Variants in GALNT17 observed in about 807,000 individuals in gnomAD.
GALNT17 encodes UDP-GalNAc:polypeptide N-acetylgalactosaminyltransferase-like 3.
GALNT17 carries 29 observed loss-of-function variants against 63.7 expected under a neutral mutation model. That is an observed-to-expected ratio of 0.46 (90% CI 0.34 to 0.62). GALNT17 has a LOEUF of 0.62. Ranked by LOEUF, GALNT17 falls within the 20% of genes least tolerant of loss-of-function variation. The pLI is 0.01. For missense variants in GALNT17, 603 were observed against 799.6 expected (o/e 0.75, Z 2.97); for synonymous variants, 305 against 318.3 (o/e 0.96, Z 0.45).
intron 2 of GALNT17, among the ~76,000 whole-genome samples, chr7:71,359,248 C>G (rs1792351809): frequency 6.6e-6 from 1 of 152,196 alleles, no homozygotes; most frequent in Non-Finnish European, 1.5e-5. Context: ...ATGACACCAG[C>G]ATTTGCTCAG....
At chr7:71,226,340 T>C (rs1583777546) in intron 1 of GALNT17, among the ~76,000 whole-genome samples, 1 of 152,018 alleles carries the variant, frequency 6.6e-6, no homozygotes, top group South Asian at 2.1e-4. Context: ...AACCCCGGGG[T>C]GGAGACAGGG....
intron 2 of GALNT17, among the ~76,000 whole-genome samples, chr7:71,350,070 A>G (rs529799225): frequency 1.3e-5 from 2 of 152,330 alleles, no homozygotes; most frequent in Admixed American, 1.3e-4. Context: ...GAGTCTGGTC[A>G]GGGGAATTCT....
rs561486245 is a variant in GALNT17 at position 71,156,319 on chromosome 7, C to G, written c.238+23279C>G. 1.5e-4 allele frequency among the ~76,000 whole-genome samples: 23 copies of G among 151,994 alleles called. No individual in the cohort carries two copies. In the South Asian group the frequency reaches 4.1e-3, roughly 27 times the overall value. On this transcript the variant is annotated intron_variant, in intron 1 of 10. Transcript: ENST00000333538. ...CATGCCTGATGGAGCTACATATTTA[C>G]TTGGGGAACTTTGGAAAAAGTACTA...
chr7:71,229,021 C>T (rs754778818), intron 1 of GALNT17, among the ~76,000 whole-genome samples: 2 of 152,156 alleles, frequency 1.3e-5, no homozygotes, highest in Admixed American at 6.5e-5. Flanking sequence ...GGTTCTGACC[C>T]GTGACGTGAA....
chr7:71,148,854 GTATTTTTATATATA>G (rs1255789881), intron 1 of GALNT17, among the ~76,000 whole-genome samples: 7 of 94,046 alleles, frequency 7.4e-5, no homozygotes, highest in South Asian at 3.8e-4. Flanking sequence ...TAGTATTATG[GTATTTTTATATATA>G]TATATATATA....
At chr7:71,593,390 C>T (rs377560585) in intron 6 of GALNT17, among the ~76,000 whole-genome samples, 13 of 150,994 alleles carry the variant, frequency 8.6e-5, no homozygotes, top group Admixed American at 4.0e-4. Context: ...CTCAGCCTCT[C>T]GAATAGCTGG....
intron 6 of GALNT17, among the ~76,000 whole-genome samples, chr7:71,644,520 T>G (rs1172449591): frequency 5.0e-5 from 4 of 79,350 alleles, no homozygotes; most frequent in African/African-American, 2.3e-4. Flanking sequence ...AGAGCGAGAC[T>G]CCATCTCAAA....
intron 1 of GALNT17, among the ~76,000 whole-genome samples, chr7:71,184,078 G>A (rs1228588641): frequency 6.6e-6 from 1 of 152,068 alleles, no homozygotes; most frequent in Non-Finnish European, 1.5e-5. Context: ...GAAAATGAAG[G>A]TGTCCTTATA....
At chr7:71,616,880 T>TC in intron 6 of GALNT17, among the ~76,000 whole-genome samples, 1 of 1,836 alleles carries the variant, frequency 5.4e-4, no homozygotes, top group Non-Finnish European at 0.01. Flanking sequence ...ATACATTATA[T>TC]AATTAAGAAT....
At chr7:71,166,882 A>G (rs1788450393) in intron 1 of GALNT17, among the ~76,000 whole-genome samples, 1 of 151,938 alleles carries the variant, frequency 6.6e-6, no homozygotes, top group African/African-American at 2.4e-5. Context: ...TCTTTTAGTA[A>G]GTGTGTATTT....
chr7:71,572,675 C>G (rs1400111447), intron 6 of GALNT17, among the ~76,000 whole-genome samples: 2 of 152,058 alleles, frequency 1.3e-5, no homozygotes, highest in African/African-American at 4.8e-5. Flanking sequence ...AATTTAAGAT[C>G]TATCCTCTTA....
chr7:71,550,753 A>G (rs1052088420), intron 5 of GALNT17, among the ~76,000 whole-genome samples: 2 of 152,174 alleles, frequency 1.3e-5, no homozygotes, highest in Non-Finnish European at 2.9e-5. Flanking sequence ...GCCAAAATAT[A>G]CTTAATTATA....
chr7:71,383,304 C>T (rs1222223299), intron 2 of GALNT17, among the ~76,000 whole-genome samples: 3 of 152,172 alleles, frequency 2.0e-5, no homozygotes, highest in Non-Finnish European at 4.4e-5. Context: ...AAATCCCTCA[C>T]ATAAAATGAC....
At chr7:71,162,123 C>CCTTCCTT (rs1788357249) in intron 1 of GALNT17, among the ~76,000 whole-genome samples, 4,137 of 53,612 alleles carry the variant, frequency 0.077, 287 homozygotes, top group Middle Eastern at 0.12. Context: ...CTCCCTCCCT[C>CCTTCCTT]CCTTCCTTCC....
chr7:71,134,522 G>A (rs1185265742), intron 1 of GALNT17, among the ~76,000 whole-genome samples: 2 of 152,048 alleles, frequency 1.3e-5, no homozygotes, highest in African/African-American at 2.4e-5. Flanking sequence ...AGGACGCTGC[G>A]GTCTTCTCGA....
chr7:71,354,322 C>T (rs1264131301), intron 2 of GALNT17, among the ~76,000 whole-genome samples: 1 of 152,092 alleles, frequency 6.6e-6, no homozygotes, highest in Non-Finnish European at 1.5e-5. Flanking sequence ...AGAAGTGCCT[C>T]TAGTGTTTCT....
At chr7:71,681,091 G>C (rs1262201180) in intron 9 of GALNT17, among the ~76,000 whole-genome samples, 1 of 152,106 alleles carries the variant, frequency 6.6e-6, no homozygotes, top group African/African-American at 2.4e-5. Flanking sequence ...TGTAGACATA[G>C]AGTCTTGCTG....
At chr7:71,409,017 A>AACAC (rs10674037) in intron 3 of GALNT17, among the ~76,000 whole-genome samples, 9,908 of 144,808 alleles carry the variant, frequency 0.068, 360 homozygotes, top group East Asian at 0.13. Context: ...CACATACACA[A>AACAC]ACACACACAC....
At chr7:71,158,787 G>A (rs111910468) in intron 1 of GALNT17, among the ~76,000 whole-genome samples, 3,238 of 151,744 alleles carry the variant, frequency 0.021, 142 homozygotes, top group African/African-American at 0.063. Flanking sequence ...GTGTTAGCCA[G>A]GATGGTCTCA....
Sources: allele counts gnomAD v4.1 joint callset (sites outside exome capture counted in the v4.1 genomes callset), GRCh38; gene constraint gnomAD v4.1.1; transcripts MANE v1.5; gene names NCBI Gene and HGNC (gene_info 2026-07-23, HGNC 2026-07-21).